PDZD2: variants seen among roughly 807,000 people sequenced by gnomAD.
PDZD2 encodes the protein PDZ domain containing 2.
In PDZD2, 90 loss-of-function variants were observed where a neutral mutation model predicts 220.7. The observed-to-expected ratio is 0.41, with a 90% CI of 0.34 to 0.49. PDZD2 has a LOEUF of 0.49. PDZD2 is among the 20% of genes least tolerant of loss of function. The probability of loss-of-function intolerance (pLI) is 0.28; values close to 1 mark genes in which losing one functional copy is unlikely to be tolerated. For missense variants in PDZD2, 3,174 were observed against 3,608.5 expected, an observed-to-expected ratio of 0.88 and a Z score of 3.08; for synonymous variants, 1,375 against 1,450.5, an observed-to-expected ratio of 0.95 and a Z score of 1.18.
intron 2 of PDZD2, among the ~76,000 whole-genome samples, chr5:31,880,800 T>TTTTTTTC (rs1739813240): frequency 8.1e-6 from 1 of 124,070 alleles, no homozygotes; most frequent in Non-Finnish European, 1.7e-5. Flanking sequence ...TCTTTTTTTT[T>TTTTTTTC]TTTTTTTTTT....
At chr5:31,784,169 C>A (rs1753239784) in intron 1 of PDZD2, among the ~76,000 whole-genome samples, 3 of 152,174 alleles carry the variant, frequency 2.0e-5, no homozygotes, top group South Asian at 4.1e-4. Context: ...CTCCTGCAGG[C>A]ATTCACAGAC....
At chr5:31,926,224 A>C (rs1020637199) in intron 2 of PDZD2, among the ~76,000 whole-genome samples, 3 of 149,674 alleles carry the variant, frequency 2.0e-5, no homozygotes, top group Non-Finnish European at 3.0e-5. Context: ...TGTCACTTAA[A>C]AAAAAAAAAA....
rs375725638 is a variant in PDZD2, at chr5:32,090,966, C to T, written c.7518C>T (p.Ser2506=). The T allele has an allele frequency of 2.8e-5, 45 of 1,613,802 alleles. No homozygotes were observed. In the South Asian group the frequency reaches 3.4e-4, roughly 12 times the overall value. Residue 2506 remains serine (S), a synonymous_variant, in exon 20 of 25, where the codon AGC becomes AGT. Transcript: ENST00000438447. The surrounding 1 kb of genome is among the most constrained non-coding windows in gnomAD (Gnocchi z 4.3). ...LCSEDYSAGP[S]AVLFKTELEI... is the part of the protein sequence containing the mutation. ...GCGAGGATTACTCAGCAGGGCCGAG[C>T]GCCGTGCTCTTCAAAACTGAGCTGG...
chr5:31,794,213 T>C (rs1753878054), intron 1 of PDZD2, among the ~76,000 whole-genome samples: 1 of 152,118 alleles, frequency 6.6e-6, no homozygotes, highest in Non-Finnish European at 1.5e-5. Flanking sequence ...CACAGTACTG[T>C]CACCATCTGA....
chr5:32,089,151 TG>T lies in PDZD2; in HGVS notation c.5704del (p.Ala1902LeufsTer5). 1 of 1,612,432 alleles carries T rather than the reference TG, an allele frequency of 6.2e-7. No individual in the cohort carries two copies. The highest frequency in any genetic ancestry group is 8.5e-7 in the Non-Finnish European group (1 of 1,180,002). On this transcript the variant is annotated frameshift_variant, in exon 20 of 25. Transcript: ENST00000438447. LOFTEE classifies it high-confidence loss of function. Reference protein sequence around the residue: ...GKAKVNSEAPAANAVKAGGTD... With the variant: ...GKAKVNSEAPXANAVKAGGTD... ...AGGCCAAAGTCAACTCTGAGGCCCC[TG>T]CTGCGAATGCTGTGAAGGCTGGGGG...
intron 1 of PDZD2, among the ~76,000 whole-genome samples, chr5:31,683,144 C>A (rs886501362): frequency 6.9e-5 from 10 of 144,282 alleles, no homozygotes; most frequent in Non-Finnish European, 1.3e-4. Flanking sequence ...TACAGCTTGG[C>A]TTTGGGTACA....
intron 1 of PDZD2, among the ~76,000 whole-genome samples, chr5:31,739,499 ATGTT>A (rs1750120383): frequency 6.6e-6 from 1 of 152,222 alleles, no homozygotes; most frequent in Non-Finnish European, 1.5e-5. Flanking sequence ...ATATGATAAA[ATGTT>A]TAAGATAAAA....
intron 4 of PDZD2, among the ~76,000 whole-genome samples, chr5:31,996,912 A>C (rs1403164526): frequency 6.6e-6 from 1 of 152,160 alleles, no homozygotes; most frequent in Admixed American, 6.5e-5. Flanking sequence ...CTTATTTTTT[A>C]ATCTGAACAA....
At chr5:32,091,215 T>C in intron 20 of PDZD2, 40 bp downstream of exon 20, 1 of 1,441,056 alleles carries the variant, frequency 6.9e-7, no homozygotes, top group Non-Finnish European at 9.3e-7. Context: ...GATAAACTTG[T>C]TTCATTTTGG....
intron 2 of PDZD2, among the ~76,000 whole-genome samples, chr5:31,850,135 T>A (rs1219181874): frequency 7.3e-6 from 1 of 136,864 alleles, no homozygotes; most frequent in Non-Finnish European, 1.6e-5. Flanking sequence ...TATGTGTGTG[T>A]ATATATATAA....
chr5:32,090,044 G>A lies in PDZD2; in HGVS notation c.6596G>A (p.Arg2199Lys). The change falls in exon 20 of 25, where the codon AGA (arginine) becomes AAA (lysine). Residue 2199 changes from arginine to lysine, a missense_variant. Around this residue, in one of 4 missense-constraint regions of PDZD2, gnomAD observed 1,861 missense variants for 2,001.0 expected, o/e 0.93. Coordinates refer to ENST00000438447, the MANE Select transcript of PDZD2 (RefSeq NM_178140.4). The surrounding 1 kb of genome is among the most constrained non-coding windows in gnomAD (Gnocchi z 4.3). The stretch of plus-strand genomic sequence containing the variant: ...ATGTCAGACTCCCGAGGGGTGCCCA[G>A]AAACAGCATTCCAGGGGGCCCCTCG... ...SLMSDSRGVP[R>K]NSIPGGPSGE... 1 of 1,613,024 alleles carries A rather than the reference G, an allele frequency of 6.2e-7. No individual in the cohort carries two copies. Among genetic ancestry groups the A allele is most frequent in the Middle Eastern group, 1.7e-4 (1 of 6,054 alleles).
In PDZD2 at chr5:32,088,941, C is replaced by T; in HGVS notation, c.5493C>T (p.Asp1831=). The T allele has an allele frequency of 6.2e-7, 1 of 1,613,868 alleles. No homozygotes were observed. Among genetic ancestry groups the T allele is most frequent in the Non-Finnish European group, 8.5e-7 (1 of 1,180,000 alleles). Reference sequence around the variant, plus strand: ...CTCTAATGCCTGCCAGAAGTCCCGACTCCAAGATTCAGATGGTGAGTTCAA... The same window carrying T: ...CTCTAATGCCTGCCAGAAGTCCCGATTCCAAGATTCAGATGGTGAGTTCAA... ...EQPLMPARSP[D]SKIQMVSSSQ... The change falls in exon 20 of 25, where the codon GAC becomes GAT. Residue 1831 remains aspartate, a synonymous_variant. Coordinates refer to ENST00000438447, the MANE Select transcript of PDZD2 (RefSeq NM_178140.4). This position sits in a 1 kb window ranked among gnomAD's most constrained non-coding sequence, Gnocchi z 4.6.
chr5:32,104,362 AT>A lies in PDZD2; in HGVS notation c.8353+3136del, dbSNP rs1243352634. Among the ~76,000 whole-genome samples the A allele has an allele frequency of 4.4e-3, 649 of 146,740 alleles. 4 individuals are homozygous for A. The highest frequency in any genetic ancestry group is 0.011 in the African/African-American group (442 of 40,332). On this transcript the variant is annotated intron_variant, in intron 24 of 24. Transcript: ENST00000438447. Reference sequence around the variant, plus strand: ...AGAACAAGCATTTGAATAATAAAGAATTTTTTTTTTTTTAACAGGGTCTAGC... The same window carrying A: ...AGAACAAGCATTTGAATAATAAAGAATTTTTTTTTTTTAACAGGGTCTAGC...
intron 6 of PDZD2, among the ~76,000 whole-genome samples, chr5:32,036,352 A>C (rs749564259): frequency 5.9e-5 from 9 of 152,210 alleles, no homozygotes; most frequent in Non-Finnish European, 8.8e-5. Context: ...TTTCCTCTAG[A>C]ACCTCAAAGG....
At chr5:32,070,382 A>G (rs866015119) in intron 15 of PDZD2, among the ~76,000 whole-genome samples, 3 of 152,232 alleles carry the variant, frequency 2.0e-5, no homozygotes, top group Non-Finnish European at 4.4e-5. Context: ...TGAAGTGGAC[A>G]TAGCCATCAT....
rs536333971 is a variant in PDZD2 at position 31,892,198 on chromosome 5, CTG to C, written c.477-90954_477-90953del. On this transcript the variant is annotated intron_variant, in intron 2 of 24. Transcript: ENST00000438447. The stretch of plus-strand genomic sequence containing the variant: ...GTGCTGGGATTACAGGCATGAGACA[CTG>C]TGCCTGGCCCCAAACTCTTAACAAA... Among the ~76,000 whole-genome samples, 204 of 152,270 alleles carry C rather than the reference CTG, an allele frequency of 1.3e-3. 1 individual carries two copies. The highest frequency in any genetic ancestry group is 4.5e-3 in the African/African-American group (187 of 41,568).
intron 1 of PDZD2, among the ~76,000 whole-genome samples, chr5:31,642,383 G>C (rs1483449922): frequency 6.6e-6 from 1 of 152,136 alleles, no homozygotes; most frequent in East Asian, 1.9e-4. Flanking sequence ...GAGAGGCAGG[G>C]ATGTCTCAGA....
chr5:31,857,314 C>T (rs531068364), intron 2 of PDZD2, among the ~76,000 whole-genome samples: 101 of 152,318 alleles, frequency 6.6e-4, no homozygotes, highest in Non-Finnish European at 1.1e-3. Flanking sequence ...TGTGGGGTCT[C>T]CTCTCACTGT....
rs545948473 is a variant in PDZD2, at chr5:31,980,876, C to T, written c.477-2279C>T. Among the ~76,000 whole-genome samples the T allele has an allele frequency of 2.5e-3, 374 of 152,232 alleles. 2 individuals are homozygous for T. The highest frequency in any genetic ancestry group is 8.5e-3 in the African/African-American group (352 of 41,546). On this transcript the variant is annotated intron_variant, in intron 2 of 24. Transcript: ENST00000438447. ...TCAGCTCACTGCAACCTCTGCCTTT[C>T]GGGTTCAAGCGATTCTCGTGCCTCA...
Sources: gnomAD v4.1 joint callset for allele counts (sites outside exome capture counted in the v4.1 genomes callset) on GRCh38, gnomAD v4.1.1 for gene constraint, gnomAD v4.1.1 regional missense constraint, Gnocchi (gnomAD v3.1) non-coding constraint, MANE v1.5 for transcripts, NCBI Gene and HGNC (gene_info 2026-07-23, HGNC 2026-07-21) for gene names.